The following MAF variants were observed in gnomAD, a reference collection of about 807,000 sequenced individuals.
MAF encodes transcription factor Maf.
MAF carries 10 observed loss-of-function variants against 22.0 expected under a neutral mutation model. The observed-to-expected ratio is 0.45, with a 90% CI of 0.28 to 0.77. MAF has a LOEUF of 0.77. Ranked by LOEUF, MAF falls within the 30% of genes least tolerant of loss-of-function variation. The pLI is 0.12. For missense variants in MAF, 544 were observed against 548.4 expected, an observed-to-expected ratio of 0.99 and a Z score of 0.08; for synonymous variants, 337 against 255.8, an observed-to-expected ratio of 1.32 and a Z score of -3.03.
the MAF span, among the ~76,000 whole-genome samples, chr16:79,437,019 T>C: frequency 6.6e-6 from 1 of 152,190 alleles, no homozygotes; most frequent in Non-Finnish European, 1.5e-5. Context: ...AAGCAGGGCT[T>C]TCAGAAGTAG....
chr16:79,369,567 T>A, the MAF span, among the ~76,000 whole-genome samples: 1 of 152,228 alleles, frequency 6.6e-6, no homozygotes, highest in South Asian at 2.1e-4. Flanking sequence ...TTCTTTTTCT[T>A]TATTTTTCCT....
At chr16:79,223,052 T>G in the MAF span, among the ~76,000 whole-genome samples, 1 of 152,040 alleles carries the variant, frequency 6.6e-6, no homozygotes, top group Non-Finnish European at 1.5e-5. Context: ...CCACCGCAAA[T>G]CAACAAAATA....
At chr16:79,515,399 T>A in the MAF span, among the ~76,000 whole-genome samples, 2 of 152,242 alleles carry the variant, frequency 1.3e-5, no homozygotes, top group African/African-American at 2.4e-5. Flanking sequence ...CATACAAACA[T>A]TCTGTTTTTC....
the MAF span, among the ~76,000 whole-genome samples, chr16:79,268,052 G>C: frequency 1.3e-5 from 2 of 152,086 alleles, no homozygotes; most frequent in African/African-American, 4.8e-5. Flanking sequence ...GGGGAGCTGG[G>C]TCTCTGAACT....
At chr16:79,596,429 C>T (rs30414) in intron 1 of MAF, 961,080 of 1,055,022 alleles carry the variant, frequency 0.91, 438,068 homozygotes, top group East Asian at 0.99. Flanking sequence ...ACACTTTTAA[C>T]GAGGTTGTTG....
At chr16:79,497,812 G>T in the MAF span, among the ~76,000 whole-genome samples, 1 of 152,230 alleles carries the variant, frequency 6.6e-6, no homozygotes, top group Non-Finnish European at 1.5e-5. Context: ...CCCAGCAAAT[G>T]AGAGAAAGCT....
At chr16:79,228,035 C>T in the MAF span, among the ~76,000 whole-genome samples, 1 of 152,086 alleles carries the variant, frequency 6.6e-6, no homozygotes, top group African/African-American at 2.4e-5. Context: ...TCCCAAGTAG[C>T]TAGGACTATA....
chr16:79,432,318 A>G, the MAF span, among the ~76,000 whole-genome samples: 481 of 152,252 alleles, frequency 3.2e-3, 5 homozygotes, highest in African/African-American at 0.011. Flanking sequence ...AGACCTCTTT[A>G]TCAATTACTC....
At chr16:79,557,060 C>T in the MAF span, among the ~76,000 whole-genome samples, 4 of 151,622 alleles carry the variant, frequency 2.6e-5, no homozygotes, top group Non-Finnish European at 5.9e-5. Context: ...TCAAGTGATC[C>T]TCCCAGGTAG....
Position 79,600,072 on chromosome 16 carries a change from A to ACAC in MAF, c.-171_-170insGTG. On this transcript the variant is annotated 5_prime_UTR_variant, in exon 1 of 2. Transcript: ENST00000326043. ...AACCTCCGAGCGCGCTCACACACAC[A>ACAC]CCCCCCCGCCCTGCCCGCGCCCCCC... 1.3e-6 allele frequency: 1 copy of ACAC among 746,486 alleles called. No homozygotes were observed. Among genetic ancestry groups the ACAC allele is most frequent in the Non-Finnish European group, 2.1e-6 (1 of 483,994 alleles). 46.2% of individuals were successfully genotyped at this position (746,486 alleles called of 1,614,324 possible).
chr16:79,243,692 G>C, the MAF span, among the ~76,000 whole-genome samples: 1 of 152,128 alleles, frequency 6.6e-6, no homozygotes, highest in East Asian at 1.9e-4. Context: ...CAGAAAAACA[G>C]GGAATCCTCC....
the MAF span, among the ~76,000 whole-genome samples, chr16:79,519,316 G>C: frequency 3.9e-5 from 6 of 152,296 alleles, no homozygotes; most frequent in East Asian, 1.2e-3. Flanking sequence ...ATGCATTCCA[G>C]CTGTGAAGAA....
At chr16:79,236,949 A>G in the MAF span, among the ~76,000 whole-genome samples, 1 of 151,176 alleles carries the variant, frequency 6.6e-6, no homozygotes, top group Non-Finnish European at 1.5e-5. Context: ...TCTCGGAAAA[A>G]AAAAAAAAAA....
chr16:79,584,308 A>G (rs2143684579), downstream of MAF, among the ~76,000 whole-genome samples: 1 of 152,320 alleles, frequency 6.6e-6, no homozygotes, highest in Middle Eastern at 3.4e-3. Context: ...AAAATAAACT[A>G]AGTAACTCCC....
the MAF span, among the ~76,000 whole-genome samples, chr16:79,526,987 T>A: frequency 6.6e-6 from 1 of 152,224 alleles, no homozygotes. Flanking sequence ...ATGGCTGTTT[T>A]TAAGAATGAC....
chr16:79,581,619 T>C (rs1290711306), downstream of MAF, among the ~76,000 whole-genome samples: 2 of 152,166 alleles, frequency 1.3e-5, no homozygotes, highest in Admixed American at 1.3e-4. Flanking sequence ...ATGAACTTAC[T>C]GTGCTTTTCA....
At chr16:79,572,424 C>T in the MAF span, among the ~76,000 whole-genome samples, 2 of 152,278 alleles carry the variant, frequency 1.3e-5, no homozygotes, top group East Asian at 3.9e-4. Context: ...AATCCTAGAA[C>T]AGAGGAACCG....
At chr16:79,374,360 G>A in the MAF span, among the ~76,000 whole-genome samples, 2 of 152,146 alleles carry the variant, frequency 1.3e-5, no homozygotes, top group African/African-American at 4.8e-5. Flanking sequence ...AATGAGCTCT[G>A]TAGAATTTTC....
the MAF span, among the ~76,000 whole-genome samples, chr16:79,337,784 G>C: frequency 6.6e-6 from 1 of 152,162 alleles, no homozygotes; most frequent in Admixed American, 6.5e-5. Context: ...GATCCTATCG[G>C]ACAGTGCTCT....
Sources: allele counts gnomAD v4.1 joint callset (sites outside exome capture counted in the v4.1 genomes callset), GRCh38; gene constraint gnomAD v4.1.1; transcripts MANE v1.5; gene names NCBI Gene and HGNC (gene_info 2026-07-23, HGNC 2026-07-21).